GPR158: variants seen among roughly 807,000 people sequenced by gnomAD.
GPR158 encodes the protein metabotropic glycine receptor.
In GPR158, 30 loss-of-function variants were observed where a neutral mutation model predicts 78.2. The observed-to-expected ratio is 0.38, with a 90% CI of 0.29 to 0.52. The LOEUF (loss-of-function observed/expected upper bound fraction) is 0.52. Among genes scored for constraint, GPR158 ranks in the 20% least tolerant of loss-of-function variants. GPR158 has a pLI of 0.83. For missense variants in GPR158, 1,463 were observed against 1,523.5 expected, an observed-to-expected ratio of 0.96 and a Z score of 0.66; for synonymous variants, 581 against 591.1, an observed-to-expected ratio of 0.98 and a Z score of 0.25.
intron 2 of GPR158, among the ~76,000 whole-genome samples, chr10:25,331,213 T>A (rs961273592): frequency 6.6e-6 from 1 of 152,226 alleles, no homozygotes; most frequent in African/African-American, 2.4e-5. Context: ...GTGCTGGGAT[T>A]ACAGGTGTGA....
At chr10:25,283,638 T>C (rs1235809465) in intron 2 of GPR158, among the ~76,000 whole-genome samples, 1 of 151,976 alleles carries the variant, frequency 6.6e-6, no homozygotes, top group Non-Finnish European at 1.5e-5. Context: ...ATATTTTTAC[T>C]CTTTCTCCTT....
chr10:25,241,357 T>G (rs117461379), intron 2 of GPR158, among the ~76,000 whole-genome samples: 1 of 126,660 alleles, frequency 7.9e-6, no homozygotes, highest in South Asian at 2.5e-4. Flanking sequence ...TCTCTTTTCT[T>G]TTCTCTTTTC....
At position 25,225,183 on chromosome 10, in the gene GPR158, C is replaced by CTTTTTTTTTTTTT. The variant is rs60603738; in HGVS notation, c.1008+4029_1008+4041dup. 2.0e-3 allele frequency among the ~76,000 whole-genome samples: 269 copies of CTTTTTTTTTTTTT among 134,706 alleles called. 5 individuals are homozygous for CTTTTTTTTTTTTT. Among genetic ancestry groups the CTTTTTTTTTTTTT allele is most frequent in the African/African-American group, 7.1e-3 (251 of 35,432 alleles). 88.4% of individuals were successfully genotyped at this position (134,706 alleles called of 152,430 possible). On this transcript the variant is annotated intron_variant, in intron 2 of 10. Transcript: ENST00000376351. Reference sequence around the variant, plus strand: ...AGATCAGCAGATTTGGAACATTTGCCTTTTTTTTTTTTTTTGTATAAAGCA... The same window carrying CTTTTTTTTTTTTT: ...AGATCAGCAGATTTGGAACATTTGCCTTTTTTTTTTTTTTTTTTTTTTTTTTTTGTATAAAGCA...
At chr10:25,313,597 G>A (rs746427244) in intron 2 of GPR158, among the ~76,000 whole-genome samples, 1 of 152,022 alleles carries the variant, frequency 6.6e-6, no homozygotes, top group Admixed American at 6.6e-5. Context: ...TGGCCATAAT[G>A]ATGTCATTTT....
intron 5 of GPR158, among the ~76,000 whole-genome samples, chr10:25,494,917 C>A (rs553929444): frequency 1.3e-3 from 203 of 152,150 alleles, no homozygotes; most frequent in South Asian, 2.5e-3. Context: ...CTGGAAACAA[C>A]CCAAATGTTC....
At chr10:25,219,671 C>T (rs1853271334) in intron 1 of GPR158, among the ~76,000 whole-genome samples, 1 of 152,116 alleles carries the variant, frequency 6.6e-6, no homozygotes, top group Admixed American at 6.5e-5. Flanking sequence ...ACTTTTCTCA[C>T]AGGTTAAAGA....
intron 5 of GPR158, among the ~76,000 whole-genome samples, chr10:25,508,351 C>A (rs58481217): frequency 0.04 from 6,114 of 152,158 alleles, 420 homozygotes; most frequent in African/African-American, 0.14. Flanking sequence ...GCCTTCCATG[C>A]ATTTTTAGCA....
intron 6 of GPR158, among the ~76,000 whole-genome samples, chr10:25,553,597 C>T (rs888539417): frequency 2.6e-5 from 4 of 152,094 alleles, no homozygotes; most frequent in Non-Finnish European, 4.4e-5. Flanking sequence ...TTTGTGCTCC[C>T]CAGATTTAGT....
At chr10:25,535,007 G>C (rs1836481401) in intron 5 of GPR158, among the ~76,000 whole-genome samples, 1 of 152,124 alleles carries the variant, frequency 6.6e-6, no homozygotes. Flanking sequence ...TTCTTTTCTT[G>C]CTTTCAAAAA....
At chr10:25,365,261 CTCCCCATTTAAACAATATTTAATTT>C (rs1855703394) in intron 2 of GPR158, among the ~76,000 whole-genome samples, 1 of 8,644 alleles carries the variant, frequency 1.2e-4, no homozygotes, top group South Asian at 3.4e-3. Context: ...ATTTAATTTT[CTCCCCATTTAAACAATATTTAATTT>C]TCTCCCCATA....
intron 1 of GPR158, among the ~76,000 whole-genome samples, chr10:25,216,534 G>C (rs954296513): frequency 3.3e-5 from 5 of 152,048 alleles, no homozygotes; most frequent in African/African-American, 1.2e-4. Flanking sequence ...TTCCTCCAAA[G>C]TTAATTTTGG....
chr10:25,326,602 T>C (rs775882403), intron 2 of GPR158, among the ~76,000 whole-genome samples: 5 of 152,240 alleles, frequency 3.3e-5, no homozygotes, highest in Admixed American at 6.5e-5. Flanking sequence ...TGCCAGGAGA[T>C]AGGGGCTGGG....
chr10:25,399,989 C>G (rs1325568377), intron 3 of GPR158, among the ~76,000 whole-genome samples: 1 of 152,132 alleles, frequency 6.6e-6, no homozygotes, highest in African/African-American at 2.4e-5. Flanking sequence ...ACTGCTAGCA[C>G]AGTACATGGC....
chr10:25,390,527 C>A (rs1040712857), intron 2 of GPR158, among the ~76,000 whole-genome samples: 1 of 152,132 alleles, frequency 6.6e-6, no homozygotes, highest in East Asian at 1.9e-4. Flanking sequence ...ATCTGTGGAA[C>A]GTTTTACTTG....
chr10:25,491,001 T>G (rs1835802526), intron 5 of GPR158, among the ~76,000 whole-genome samples: 2 of 152,192 alleles, frequency 1.3e-5, no homozygotes, highest in Admixed American at 1.3e-4. Context: ...GGGGGGGTCC[T>G]AATATTCATT....
chr10:25,312,546 A>G (rs1205867927), intron 2 of GPR158, among the ~76,000 whole-genome samples: 1 of 152,084 alleles, frequency 6.6e-6, no homozygotes, highest in African/African-American at 2.4e-5. Context: ...AATAACCATA[A>G]TTTATCTGTC....
intron 2 of GPR158, among the ~76,000 whole-genome samples, chr10:25,265,777 C>A (rs1854037721): frequency 6.6e-6 from 1 of 152,138 alleles, no homozygotes; most frequent in African/African-American, 2.4e-5. Context: ...AAGAACCAGG[C>A]ATGTCAGGCT....
Position 25,600,827 on chromosome 10 carries a change from C to A in GPR158, c.*1553C>A, listed in dbSNP as rs1248277250. On this transcript the variant is annotated 3_prime_UTR_variant, in exon 11 of 11. Transcript: ENST00000376351. ...AAAGCATATTTTATAAAGCTTATTG[C>A]ATTCCACACTGATCTCTTGGCATGG... is the stretch of plus-strand genomic sequence containing the variant. 6.6e-6 allele frequency: 1 copy of A among 152,170 alleles called. No homozygotes were observed. The highest frequency in any genetic ancestry group is 1.5e-5 in the Non-Finnish European group (1 of 68,018). 9.4% of individuals were successfully genotyped at this position (152,170 alleles called of 1,614,324 possible).
At chr10:25,461,323 A>T (rs1835356416) in intron 4 of GPR158, among the ~76,000 whole-genome samples, 1 of 152,156 alleles carries the variant, frequency 6.6e-6, no homozygotes, top group African/African-American at 2.4e-5. Flanking sequence ...TAAAAATGCT[A>T]CTCCAGTGAA....
Sources: allele counts gnomAD v4.1 joint callset (sites outside exome capture counted in the v4.1 genomes callset), GRCh38; gene constraint gnomAD v4.1.1; transcripts MANE v1.5; gene names NCBI Gene and HGNC (gene_info 2026-07-23, HGNC 2026-07-21).